The following NRP1 variants were observed in gnomAD, a reference collection of about 807,000 sequenced individuals.
The protein encoded by NRP1 is neuropilin-1.
In NRP1, 35 loss-of-function variants were observed where a neutral mutation model predicts 106.7. The ratio of observed to expected loss-of-function variants is 0.33; its 90% CI spans 0.25 to 0.43. The LOEUF is 0.43. NRP1 is among the 20% of genes least tolerant of loss of function. NRP1 has a pLI of 1.00. For missense variants in NRP1, 1,024 were observed against 1,170.4 expected, an observed-to-expected ratio of 0.87 and a Z score of 1.83; for synonymous variants, 437 against 417.9, an observed-to-expected ratio of 1.05 and a Z score of -0.56.
At chr10:33,213,840 C>T (rs1838531610) in intron 8 of NRP1, 123 bp from the exon 9 acceptor site, 2 of 787,642 alleles carry the variant, frequency 2.5e-6, no homozygotes, top group Non-Finnish European at 4.0e-6. Context: ...AATTTTCAGT[C>T]TCTGGATTAT....
chr10:33,303,875 T>C (rs934363100), intron 2 of NRP1, among the ~76,000 whole-genome samples: 1 of 152,228 alleles, frequency 6.6e-6, no homozygotes, highest in African/African-American at 2.4e-5. Flanking sequence ...ACCCGTGTAG[T>C]ACTCACTATG....
At position 33,241,553 on chromosome 10, in the gene NRP1, C is replaced by T. The variant is rs188560421; in HGVS notation, c.981+12475G>A. Among the ~76,000 whole-genome samples, 335 of 152,188 alleles carry T rather than the reference C, an allele frequency of 2.2e-3. 2 individuals carry two copies. The highest frequency in any genetic ancestry group is 4.4e-3 in the Admixed American group (67 of 15,278). ...ATTCACTGGAACCGTTCTTAAAACA[C>T]GGTTGGATACCTCTATTTCAACCAC... is the stretch of plus-strand genomic sequence containing the variant. On this transcript the variant is annotated intron_variant, in intron 6 of 16. Coordinates refer to ENST00000374867, the MANE Select transcript of NRP1 (RefSeq NM_003873.7).
chr10:33,276,460 A>G (rs1843704635), intron 2 of NRP1, among the ~76,000 whole-genome samples: 1 of 152,194 alleles, frequency 6.6e-6, no homozygotes, highest in African/African-American at 2.4e-5. Context: ...AGGAATTTCC[A>G]TGTCAGCATG....
At position 33,182,756 on chromosome 10, in the gene NRP1, G is replaced by T; in HGVS notation, c.2432-8C>A. On this transcript the variant is annotated splice_polypyrimidine_tract_variant and splice_region_variant and intron_variant, in intron 15 of 16. Coordinates refer to ENST00000374867, the MANE Select transcript of NRP1 (RefSeq NM_003873.7). ...TATCCAGGTCTGCTGGTTCTGACAA[G>T]TCAAACAAAATTGAAAGAGATATTT... 6.2e-7 allele frequency: 1 copy of T among 1,609,728 alleles called. No individual in the cohort carries two copies.
chr10:33,221,484 A>T (rs1333485805), intron 8 of NRP1, among the ~76,000 whole-genome samples: 1 of 152,198 alleles, frequency 6.6e-6, no homozygotes, highest in Non-Finnish European at 1.5e-5. Context: ...ACTATTTCCC[A>T]GGTGAGATAA....
rs1588677218 is a variant in NRP1 at position 33,182,682 on chromosome 10, A to G, written c.2482+16T>C. 1.2e-6 allele frequency: 2 copies of G among 1,602,370 alleles called. No homozygotes were observed. Among genetic ancestry groups the G allele is most frequent in the Non-Finnish European group, 1.7e-6 (2 of 1,170,860 alleles). ...TAGTAAAATTTTTTAAAAATTGGTC[A>G]GCAAGACAAATTTACCTGTTTCATC... On this transcript the variant is annotated intron_variant, in intron 16 of 16. Transcript: ENST00000374867.
intron 2 of NRP1, among the ~76,000 whole-genome samples, chr10:33,279,134 G>T (rs769704389): frequency 6.6e-6 from 1 of 152,010 alleles, no homozygotes; most frequent in Non-Finnish European, 1.5e-5. Flanking sequence ...GGCAATGTAT[G>T]TCTAGCAGAT....
chr10:33,317,218 T>C (rs1847102228), intron 2 of NRP1, among the ~76,000 whole-genome samples: 1 of 152,180 alleles, frequency 6.6e-6, no homozygotes, highest in African/African-American at 2.4e-5. Context: ...ATAGTGTGTA[T>C]CACATAAGGC....
chr10:33,262,738 C>T (rs1224668090), intron 4 of NRP1, among the ~76,000 whole-genome samples: 1 of 151,366 alleles, frequency 6.6e-6, no homozygotes, highest in Non-Finnish European at 1.5e-5. Context: ...ACCTCACCAC[C>T]CTATTTAAAA....
chr10:33,238,279 G>T (rs1173434982), intron 6 of NRP1, among the ~76,000 whole-genome samples: 1 of 152,206 alleles, frequency 6.6e-6, no homozygotes, highest in African/African-American at 2.4e-5. Flanking sequence ...AAATGGCACA[G>T]AAACTGTGGA....
intron 2 of NRP1, among the ~76,000 whole-genome samples, chr10:33,296,057 C>A (rs1249066575): frequency 1.3e-5 from 2 of 152,190 alleles, no homozygotes; most frequent in Middle Eastern, 3.4e-3. Flanking sequence ...TGCTTGGACT[C>A]ATTTGTTGTA....
At chr10:33,222,137 C>T (rs1159722316) in intron 7 of NRP1, among the ~76,000 whole-genome samples, 3 of 152,110 alleles carry the variant, frequency 2.0e-5, no homozygotes, top group Non-Finnish European at 2.9e-5. Context: ...AGAACGCATG[C>T]TATTATCTAA....
At chr10:33,296,113 G>T (rs983669557) in intron 2 of NRP1, among the ~76,000 whole-genome samples, 3 of 152,184 alleles carry the variant, frequency 2.0e-5, no homozygotes, top group Admixed American at 2.0e-4. Context: ...TTTTTTGTAG[G>T]TATATAATAA....
chr10:33,216,351 T>A (rs528459584), intron 8 of NRP1, among the ~76,000 whole-genome samples: 2 of 152,212 alleles, frequency 1.3e-5, no homozygotes, highest in South Asian at 4.2e-4. Flanking sequence ...TTAGCCAGGA[T>A]GGTCTCGATC....
At chr10:33,269,412 A>G (rs1010727963) in intron 3 of NRP1, among the ~76,000 whole-genome samples, 1 of 152,226 alleles carries the variant, frequency 6.6e-6, no homozygotes, top group East Asian at 1.9e-4. Context: ...TCCCACCTCA[A>G]CCTCCTAAGT....
chr10:33,314,846 A>G (rs540270058), intron 2 of NRP1, among the ~76,000 whole-genome samples: 1 of 152,206 alleles, frequency 6.6e-6, no homozygotes, highest in Non-Finnish European at 1.5e-5. Flanking sequence ...AACGCATCCC[A>G]TGTTAACTTC....
chr10:33,194,654 T>C (rs999834560), intron 12 of NRP1: 6 of 477,672 alleles, frequency 1.3e-5, no homozygotes, highest in Non-Finnish European at 2.6e-5. Context: ...TACTGCTCTT[T>C]TATCTTCTTG....
chr10:33,292,413 A>G (rs1272756223), intron 2 of NRP1, among the ~76,000 whole-genome samples: 1 of 152,182 alleles, frequency 6.6e-6, no homozygotes, highest in Non-Finnish European at 1.5e-5. Context: ...ATTTTTTTAC[A>G]TAAACAAAGT....
chr10:33,206,391 T>C (rs1321467336), intron 10 of NRP1: 1 of 510,238 alleles, frequency 2.0e-6, no homozygotes, highest in Non-Finnish European at 3.9e-6. Context: ...ACTACAGATA[T>C]GGAAACAACC....
Sources: allele counts gnomAD v4.1 joint callset (sites outside exome capture counted in the v4.1 genomes callset), GRCh38; gene constraint gnomAD v4.1.1; transcripts MANE v1.5; gene names NCBI Gene and HGNC (gene_info 2026-07-23, HGNC 2026-07-21).